The following APBB2 variants were observed in gnomAD, a reference collection of about 807,000 sequenced individuals.
The protein encoded by APBB2 is Fe65-like 1.
Under a neutral mutation model 82.5 loss-of-function variants are expected in APBB2, and 38 were observed. That is an observed-to-expected ratio of 0.46 (90% CI 0.36 to 0.60). APBB2 has a LOEUF of 0.60. Ranked by LOEUF, APBB2 falls within the 20% of genes least tolerant of loss-of-function variation. APBB2 has a pLI of 0.00. For missense variants in APBB2, 772 were observed against 972.3 expected, an observed-to-expected ratio of 0.79 and a Z score of 2.74; for synonymous variants, 341 against 368.2, an observed-to-expected ratio of 0.93 and a Z score of 0.85.
intron 5 of APBB2, 110 bp downstream of exon 5, chr4:41,033,124 TAA>T: frequency 1.2e-6 from 1 of 817,470 alleles, no homozygotes; most frequent in Non-Finnish European, 2.0e-6. Flanking sequence ...ACAATGAAAT[TAA>T]AAAACATGTT....
At chr4:41,171,912 T>C (rs940907205) in intron 1 of APBB2, among the ~76,000 whole-genome samples, 2 of 150,964 alleles carry the variant, frequency 1.3e-5, no homozygotes, top group African/African-American at 4.9e-5. Flanking sequence ...GCCTGGCCAA[T>C]ATGGTGAAAC....
chr4:41,028,404 C>T (rs1715357973), intron 5 of APBB2, among the ~76,000 whole-genome samples: 1 of 152,194 alleles, frequency 6.6e-6, no homozygotes, highest in South Asian at 2.1e-4. Context: ...ATGAAGCCAA[C>T]CATGAGACTT....
chr4:40,949,347 C>A (rs538727964), intron 6 of APBB2, among the ~76,000 whole-genome samples: 1 of 152,210 alleles, frequency 6.6e-6, no homozygotes, highest in East Asian at 1.9e-4. Context: ...TCAACCACAG[C>A]AGCACCCATT....
At chr4:40,821,607 A>C (rs547631295) in intron 17 of APBB2, among the ~76,000 whole-genome samples, 1 of 152,360 alleles carries the variant, frequency 6.6e-6, no homozygotes, top group African/African-American at 2.4e-5. Flanking sequence ...TTTGGGATCA[A>C]GGATTGACCG....
chr4:41,085,799 C>CA (rs991099461), intron 3 of APBB2, among the ~76,000 whole-genome samples: 33 of 148,694 alleles, frequency 2.2e-4, no homozygotes, highest in East Asian at 9.8e-4. Context: ...ACTACAAAAA[C>CA]AAAAAAAAAG....
intron 7 of APBB2, 79 bp from the exon 8 acceptor site, chr4:40,935,218 A>C: frequency 1.9e-6 from 2 of 1,029,858 alleles, no homozygotes; most frequent in Non-Finnish European, 2.8e-6. Flanking sequence ...AAAAAAACAC[A>C]AGACACTGTT....
At chr4:40,860,399 C>T (rs1291791488) in intron 12 of APBB2, among the ~76,000 whole-genome samples, 1 of 152,120 alleles carries the variant, frequency 6.6e-6, no homozygotes, top group East Asian at 1.9e-4. Flanking sequence ...TCCTGGACAC[C>T]AAGGCTTGGA....
intron 12 of APBB2, among the ~76,000 whole-genome samples, chr4:40,838,893 C>T (rs1001543378): frequency 6.6e-6 from 1 of 152,218 alleles, no homozygotes; most frequent in African/African-American, 2.4e-5. Flanking sequence ...AAGGCATCTA[C>T]AGACCTCTTA....
intron 4 of APBB2, among the ~76,000 whole-genome samples, chr4:41,055,235 A>G (rs1307049439): frequency 6.6e-6 from 1 of 152,086 alleles, no homozygotes; most frequent in Non-Finnish European, 1.5e-5. Flanking sequence ...TGGTCACCCA[A>G]CATCATGTGG....
chr4:41,166,411 T>C lies in APBB2; in HGVS notation c.-416-23269A>G, dbSNP rs561577389. On this transcript the variant is annotated intron_variant, in intron 1 of 17. Coordinates refer to ENST00000508593, the MANE Select transcript of APBB2 (RefSeq NM_004307.2). Reference sequence around the variant, plus strand: ...GGGCAAAATAACGAGACCTCATCTCTACAAAAAAATCAAAAAATTAGCCAG... The same window carrying C: ...GGGCAAAATAACGAGACCTCATCTCCACAAAAAAATCAAAAAATTAGCCAG... Among the ~76,000 whole-genome samples the C allele has an allele frequency of 4.7e-4, 71 of 151,500 alleles. 1 individual carries two copies. Among genetic ancestry groups the C allele is most frequent in the African/African-American group, 1.7e-3 (70 of 41,338 alleles).
intron 1 of APBB2, among the ~76,000 whole-genome samples, chr4:41,159,758 T>A (rs1764358134): frequency 1.3e-5 from 2 of 150,746 alleles, no homozygotes; most frequent in Admixed American, 1.3e-4. Context: ...ATCCCTGGAA[T>A]AAGTAAAAGA....
chr4:40,896,931 C>T (rs1229791634), intron 10 of APBB2, among the ~76,000 whole-genome samples: 1 of 152,018 alleles, frequency 6.6e-6, no homozygotes, highest in Non-Finnish European at 1.5e-5. Context: ...TGGAGTGAGC[C>T]CTAAGACAGC....
intron 10 of APBB2, among the ~76,000 whole-genome samples, chr4:40,930,459 G>GCA (rs1241031212): frequency 3.8e-5 from 5 of 130,676 alleles, no homozygotes; most frequent in African/African-American, 9.6e-5. Context: ...GCGCGCGCGC[G>GCA]CGCGCGCGTG....
At chr4:41,031,468 T>C (rs913267766) in intron 5 of APBB2, among the ~76,000 whole-genome samples, 20 of 152,186 alleles carry the variant, frequency 1.3e-4, no homozygotes, top group Non-Finnish European at 7.3e-5. Flanking sequence ...TTATATGTCA[T>C]ACCGATGCAT....
chr4:40,862,983 G>A (rs1763139466), intron 12 of APBB2, among the ~76,000 whole-genome samples: 1 of 152,094 alleles, frequency 6.6e-6, no homozygotes, highest in Admixed American at 6.6e-5. Flanking sequence ...CAGGTGTTCA[G>A]GGGGCTGTAC....
intron 5 of APBB2, among the ~76,000 whole-genome samples, chr4:41,031,431 G>C (rs1054424728): frequency 1.3e-5 from 2 of 152,052 alleles, no homozygotes; most frequent in African/African-American, 4.8e-5. Context: ...CACTGAACTA[G>C]GAATACCTCT....
chr4:40,955,652 C>T (rs889239137), intron 6 of APBB2, among the ~76,000 whole-genome samples: 2 of 152,152 alleles, frequency 1.3e-5, no homozygotes, highest in Admixed American at 1.3e-4. Flanking sequence ...GTGGCTCGTG[C>T]CTGTAATCTC....
chr4:40,908,639 AG>A (rs1777719195), intron 10 of APBB2, among the ~76,000 whole-genome samples: 1 of 152,110 alleles, frequency 6.6e-6, no homozygotes, highest in Admixed American at 6.5e-5. Flanking sequence ...CACTCTAAAG[AG>A]GCCCCGAAGA....
Position 41,127,877 on chromosome 4 carries a change from C to T in APBB2, c.-261+15110G>A, listed in dbSNP as rs6836785. ...GGTGGATTACCTGAGGTCAGGAGTT[C>T]GAGACCAGCCTGGCCAACTTGATGC... On this transcript the variant is annotated intron_variant, in intron 2 of 17. Coordinates refer to ENST00000508593, the MANE Select transcript of APBB2 (RefSeq NM_004307.2). The surrounding 1 kb of genome is among the most constrained non-coding windows in gnomAD (Gnocchi z 4.8). 2.3e-3 allele frequency among the ~76,000 whole-genome samples: 346 copies of T among 152,086 alleles called. 2 individuals are homozygous for T. Among genetic ancestry groups the T allele is most frequent in the African/African-American group, 7.3e-3 (305 of 41,502 alleles).
Sources: allele counts gnomAD v4.1 joint callset (sites outside exome capture counted in the v4.1 genomes callset), GRCh38; gene constraint gnomAD v4.1.1; non-coding constraint Gnocchi (gnomAD v3.1); transcripts MANE v1.5; gene names NCBI Gene and HGNC (gene_info 2026-07-23, HGNC 2026-07-21).